RGS20: variants seen among roughly 807,000 people sequenced by gnomAD.
RGS20 encodes gz-selective GTPase-activating protein.
RGS20 carries 30 observed loss-of-function variants against 33.6 expected under a neutral mutation model. The ratio of observed to expected loss-of-function variants is 0.89; its 90% CI spans 0.67 to 1.21. RGS20 has a LOEUF of 1.21. RGS20 is among the 50% of genes most tolerant of loss of function. RGS20 has a pLI of 0.00. For synonymous variants in RGS20, 208 were observed against 197.9 expected, an observed-to-expected ratio of 1.05 and a Z score of -0.43; for missense variants, 472 against 502.4, an observed-to-expected ratio of 0.94 and a Z score of 0.58.
Position 53,954,263 on chromosome 8 carries a change from G to A in RGS20, c.931G>A (p.Ala311Thr), listed in dbSNP as rs1814795866. 1 of 1,613,430 alleles carries A rather than the reference G, an allele frequency of 6.2e-7. No homozygotes were observed. Residue 311 changes from alanine (A) to threonine (T), a missense_variant, in exon 5 of 6, where the codon GCA (alanine) becomes ACA (threonine). By Grantham distance (58) the Ala-to-Thr change is moderately conservative (BLOSUM62 0). Around this residue, in one of 3 missense-constraint regions of RGS20, gnomAD observed 125 missense variants for 169.5 expected, o/e 0.74. Transcript: ENST00000297313. Reference sequence around the variant, plus strand: ...TAATAAAAACATTATTGAAGAGAAAGCAAGGATAATCTATGAAGACTACAT... The same window carrying A: ...TAATAAAAACATTATTGAAGAGAAAACAAGGATAATCTATGAAGACTACAT...
At chr8:53,881,138 G>A in intron 2 of RGS20, 54 bp downstream of exon 1, 2 of 1,354,944 alleles carry the variant, frequency 1.5e-6, no homozygotes, top group Non-Finnish European at 2.0e-6. Context: ...TCGCCCTGAG[G>A]CTTCGTGCTG....
Position 53,870,679 on chromosome 8 carries a change from C to T in RGS20, c.166-8579C>T, listed in dbSNP as rs551689919. Among the ~76,000 whole-genome samples the T allele has an allele frequency of 9.5e-4, 144 of 152,212 alleles. 1 individual carries two copies. The highest frequency in any genetic ancestry group is 3.3e-3 in the African/African-American group (137 of 41,552). On this transcript the variant is annotated intron_variant, in intron 1 of 5. Coordinates refer to ENST00000297313, the MANE Select transcript of RGS20 (RefSeq NM_170587.4). ...TCTCATTTCACTTGACTCATTCTCC[C>T]TGGCTAAGCTTGGCTGTGTCGGTGG...
At chr8:53,951,161 ATTTC>A (rs1814699379) in intron 4 of RGS20, among the ~76,000 whole-genome samples, 2 of 152,216 alleles carry the variant, frequency 1.3e-5, no homozygotes, top group Admixed American at 1.3e-4. Flanking sequence ...AGTTACTGAT[ATTTC>A]TAACAGATAG....
intron 3 of RGS20, 74 bp downstream of exon 2, chr8:53,939,798 C>T: frequency 6.9e-7 from 1 of 1,456,606 alleles, no homozygotes; most frequent in Admixed American, 2.5e-5. Flanking sequence ...GGACGTGGCA[C>T]CCCTGAAAGT....
At chr8:53,885,508 G>A (rs763897689) in intron 2 of RGS20, among the ~76,000 whole-genome samples, 1 of 152,142 alleles carries the variant, frequency 6.6e-6, no homozygotes, top group Non-Finnish European at 1.5e-5. Flanking sequence ...CAGCTACTCG[G>A]GAGGCTGAAG....
intron 2 of RGS20, among the ~76,000 whole-genome samples, chr8:53,930,469 C>G (rs972231061): frequency 2.0e-5 from 3 of 152,234 alleles, no homozygotes; most frequent in Non-Finnish European, 4.4e-5. Flanking sequence ...GATGTTGGAA[C>G]AGGACTCCCC....
At chr8:53,868,909 C>A (rs139750632) in intron 1 of RGS20, among the ~76,000 whole-genome samples, 1 of 152,098 alleles carries the variant, frequency 6.6e-6, no homozygotes, top group Non-Finnish European at 1.5e-5. Flanking sequence ...CGCACCACCA[C>A]GCCTGGCTAA....
intron 2 of RGS20, among the ~76,000 whole-genome samples, chr8:53,889,185 C>T (rs1812631908): frequency 6.6e-6 from 1 of 152,178 alleles, no homozygotes; most frequent in Non-Finnish European, 1.5e-5. Context: ...TATTGCTTCA[C>T]ATCCTCACCA....
intron 3 of RGS20, among the ~76,000 whole-genome samples, chr8:53,944,475 T>C (rs1175779400): frequency 6.6e-6 from 1 of 150,818 alleles, no homozygotes; most frequent in Non-Finnish European, 1.5e-5. Flanking sequence ...GAGGCGGAGG[T>C]TGTAGGGAGC....
At chr8:53,910,421 G>GA (rs71254930) in intron 2 of RGS20, among the ~76,000 whole-genome samples, 7 of 150,474 alleles carry the variant, frequency 4.7e-5, no homozygotes, top group South Asian at 4.2e-4. Context: ...AAATCGCCAG[G>GA]AAAAAAAAAA....
chr8:53,943,331 T>C (rs569194472), intron 3 of RGS20, among the ~76,000 whole-genome samples: 1 of 152,206 alleles, frequency 6.6e-6, no homozygotes, highest in Admixed American at 6.5e-5. Flanking sequence ...TTCTAAGTAC[T>C]TGTGAATCTT....
chr8:53,872,397 T>A (rs534595085), intron 1 of RGS20, among the ~76,000 whole-genome samples: 1 of 152,124 alleles, frequency 6.6e-6, no homozygotes, highest in Non-Finnish European at 1.5e-5. Context: ...ATCCTTACCA[T>A]GATTTGGTTG....
At chr8:53,889,412 CTTTTTTTTT>C (rs34316630) in intron 2 of RGS20, among the ~76,000 whole-genome samples, 462 of 41,656 alleles carry the variant, frequency 0.011, 50 homozygotes, top group African/African-American at 0.025. Flanking sequence ...CTCTCTCTCT[CTTTTTTTTT>C]TTTTTTTTTT....
chr8:53,908,866 A>G (rs1176538066), intron 2 of RGS20, among the ~76,000 whole-genome samples: 1 of 152,104 alleles, frequency 6.6e-6, no homozygotes, highest in Non-Finnish European at 1.5e-5. Context: ...GCAGCATTCA[A>G]AATCATATAT....
At chr8:53,870,779 T>C (rs1401263489) in intron 1 of RGS20, among the ~76,000 whole-genome samples, 1 of 152,130 alleles carries the variant, frequency 6.6e-6, no homozygotes, top group Non-Finnish European at 1.5e-5. Flanking sequence ...TGCAAATATA[T>C]GCTAAGTGTC....
intron 2 of RGS20, among the ~76,000 whole-genome samples, chr8:53,888,911 C>T (rs1169770007): frequency 6.6e-6 from 1 of 152,174 alleles, no homozygotes; most frequent in Non-Finnish European, 1.5e-5. Context: ...TAATGCTGTG[C>T]AGCGTTCCTT....
chr8:53,932,218 C>T (rs767944735), intron 2 of RGS20, among the ~76,000 whole-genome samples: 7 of 152,090 alleles, frequency 4.6e-5, no homozygotes, highest in South Asian at 2.1e-4. Context: ...GGGCAGACAC[C>T]GAGCTAGCTG....
rs1474618055 is a variant in RGS20, at chr8:53,856,400, G to A, written c.165+4336G>A. 2.0e-5 allele frequency among the ~76,000 whole-genome samples: 3 copies of A among 151,926 alleles called. No homozygotes were observed. The East Asian group carries it at 5.8e-4, about 29-fold the overall frequency. ...CCAGCTACTTTTTTTTGTATTTTTA[G>A]TACAGACAGGGTTTCACCATGTTGA... On this transcript the variant is annotated intron_variant, in intron 1 of 5. Transcript: ENST00000297313.
chr8:53,897,769 T>G (rs551896178), intron 2 of RGS20, among the ~76,000 whole-genome samples: 12 of 152,338 alleles, frequency 7.9e-5, no homozygotes, highest in Admixed American at 6.5e-4. Context: ...TTCCCTAAAT[T>G]TCTGCAAACT....
Sources: gnomAD v4.1 joint callset for allele counts (sites outside exome capture counted in the v4.1 genomes callset) on GRCh38, gnomAD v4.1.1 for gene constraint, gnomAD v4.1.1 regional missense constraint, MANE v1.5 for transcripts, NCBI Gene and HGNC (gene_info 2026-07-23, HGNC 2026-07-21) for gene names.